Variants in DCPS observed in about 807,000 individuals in gnomAD.
DCPS encodes the protein m7GpppX diphosphatase.
A neutral mutation model predicts 34.7 loss-of-function variants in DCPS; 27 were observed. That is an observed-to-expected ratio of 0.78 (90% CI 0.57 to 1.07). DCPS has a LOEUF of 1.07. Ranked by LOEUF, DCPS falls within the 50% of genes least tolerant of loss-of-function variation. The pLI is 0.00. For synonymous variants in DCPS, 185 were observed against 185.7 expected, an observed-to-expected ratio of 1.00 and a Z score of 0.03; for missense variants, 464 against 436.9, an observed-to-expected ratio of 1.06 and a Z score of -0.55.
rs144876585 is a variant in DCPS, at chr11:126,306,608, C to A, written c.240C>A (p.Ala80=). The change falls in exon 2 of 6, where the codon GCC becomes GCA. Residue 80 remains alanine, a synonymous_variant. Coordinates refer to ENST00000263579, the MANE Select transcript of DCPS (RefSeq NM_014026.6). The stretch of plus-strand genomic sequence containing the variant: ...CTGGGGATGGGGATGGAGAGGATGC[C>A]GTTGTGATCCTGGAGAAGACGCCAT... The part of the protein sequence containing the change: ...EASGDGDGED[A]VVILEKTPFQ... 1 of 1,612,622 alleles carries A rather than the reference C, an allele frequency of 6.2e-7. No homozygotes were observed. Among genetic ancestry groups the A allele is most frequent in the South Asian group, 1.1e-5 (1 of 90,922 alleles).
At chr11:126,324,055 C>T (rs1951724689) in intron 2 of DCPS, among the ~76,000 whole-genome samples, 1 of 152,140 alleles carries the variant, frequency 6.6e-6, no homozygotes, top group African/African-American at 2.4e-5. Flanking sequence ...TGGTCTTGAA[C>T]TTCTGACCTC....
rs1208107319 is a variant in DCPS at position 126,328,786 on chromosome 11, A to G, written c.377-2619A>G. Among the ~76,000 whole-genome samples the G allele has an allele frequency of 6.6e-6, 1 of 152,202 alleles. No homozygotes were observed. Among genetic ancestry groups the G allele is most frequent in the Non-Finnish European group, 1.5e-5 (1 of 68,018 alleles). On this transcript the variant is annotated intron_variant, in intron 2 of 5. Coordinates refer to ENST00000263579, the MANE Select transcript of DCPS (RefSeq NM_014026.6). This position sits in a 1 kb window ranked among gnomAD's most constrained non-coding sequence, Gnocchi z 6.6. ...ACCCAGGCAACGGAGGCAACAGCGGAGAGAATCCAAGCTAGCCTGGGGGGA... is the reference window on the plus strand; with the variant it reads ...ACCCAGGCAACGGAGGCAACAGCGGGGAGAATCCAAGCTAGCCTGGGGGGA...
rs186159639 is a variant in DCPS, at chr11:126,322,424, C to T, written c.377-8981C>T. Among the ~76,000 whole-genome samples, 108 of 152,054 alleles carry T rather than the reference C, an allele frequency of 7.1e-4. 1 individual carries two copies. Among genetic ancestry groups the T allele is most frequent in the East Asian group, 2.9e-3 (15 of 5,156 alleles). On this transcript the variant is annotated intron_variant, in intron 2 of 5. Transcript: ENST00000263579. The surrounding 1 kb of genome is among the most constrained non-coding windows in gnomAD (Gnocchi z 4.2). ...GATTACAGGCGCACACCACCACGCCCGGCTCATTTTTGTATTTTTAGTAGA... is the reference window on the plus strand; with the variant it reads ...GATTACAGGCGCACACCACCACGCCTGGCTCATTTTTGTATTTTTAGTAGA...
At position 126,344,590 on chromosome 11, in the gene DCPS, C is replaced by A. The variant is rs1202863893; in HGVS notation, c.748-757C>A. Reference sequence around the variant, plus strand: ...GGGTATATACTGAGCCCACTGAGGCCCTAGTACTTTTCTCTTCACCTCTGA... The same window carrying A: ...GGGTATATACTGAGCCCACTGAGGCACTAGTACTTTTCTCTTCACCTCTGA... On this transcript the variant is annotated intron_variant, in intron 5 of 5. Coordinates refer to ENST00000263579, the MANE Select transcript of DCPS (RefSeq NM_014026.6). This position sits in a 1 kb window ranked among gnomAD's most constrained non-coding sequence, Gnocchi z 8.1. 6.6e-6 allele frequency among the ~76,000 whole-genome samples: 1 copy of A among 152,116 alleles called. No homozygotes were observed. The highest frequency in any genetic ancestry group is 1.9e-4 in the East Asian group (1 of 5,188).
At position 126,346,392 on chromosome 11, in the gene DCPS, C is replaced by G. The variant is rs979025832; in HGVS notation, c.*779C>G. On this transcript the variant is annotated 3_prime_UTR_variant, in exon 6 of 6. Transcript: ENST00000263579. The surrounding 1 kb of genome is among the most constrained non-coding windows in gnomAD (Gnocchi z 4.1). ...CAAATGATATGGTTGCAGTTGAATA[C>G]AAAAGCCCGGAGGCGGCTCGGGTTC... is the stretch of plus-strand genomic sequence containing the variant. Among the ~76,000 whole-genome samples, 5 of 152,202 alleles carry G rather than the reference C, an allele frequency of 3.3e-5. No individual in the cohort carries two copies. Among genetic ancestry groups the G allele is most frequent in the Non-Finnish European group, 7.3e-5 (5 of 68,044 alleles).
Position 126,306,712 on chromosome 11 carries a change from C to G in DCPS, c.344C>G (p.Thr115Ser), listed in dbSNP as rs759338894. 19 of 1,605,548 alleles carry G rather than the reference C, an allele frequency of 1.2e-5. No individual in the cohort carries two copies. The East Asian group carries it at 4.3e-4, about 36-fold the overall frequency. The part of the protein sequence containing the change: ...QLQFSNDIYS[T>S]YHLFPPRQLN... Reference sequence around the variant, plus strand: ...CAGTTCTCCAATGATATCTACAGCACCTATCACTTGTTCCCTCCAAGACAA... The same window carrying G: ...CAGTTCTCCAATGATATCTACAGCAGCTATCACTTGTTCCCTCCAAGACAA... The change falls in exon 2 of 6, where the codon ACC becomes AGC. Residue 115 changes from threonine (T) to serine (S), a missense_variant. Physicochemically the swap from Thr to Ser is moderately conservative, Grantham distance 58. Transcript: ENST00000263579.
In DCPS at chr11:126,331,630, A is replaced by G; in HGVS notation, c.522+80A>G. ...TCTTACGAGTGTCTATTGGGGTCATATTAGGGGCCAGGCGCTGTGCTGGGC... is the reference window on the plus strand; with the variant it reads ...TCTTACGAGTGTCTATTGGGGTCATGTTAGGGGCCAGGCGCTGTGCTGGGC... On this transcript the variant is annotated intron_variant, in intron 3 of 5. Transcript: ENST00000263579. The surrounding 1 kb of genome is among the most constrained non-coding windows in gnomAD (Gnocchi z 7.2). 1 of 1,549,918 alleles carries G rather than the reference A, an allele frequency of 6.5e-7. No individual in the cohort carries two copies. The highest frequency in any genetic ancestry group is 8.7e-7 in the Non-Finnish European group (1 of 1,145,366).
chr11:126,333,763 C>T lies in DCPS; in HGVS notation c.522+2213C>T. ...TCCAGGGGGCCAGGAGTTCCTGAAC[C>T]TTGCTTACCATCAGGATTGCCTGGG... is the stretch of plus-strand genomic sequence containing the variant. On this transcript the variant is annotated intron_variant, in intron 3 of 5. Coordinates refer to ENST00000263579, the MANE Select transcript of DCPS (RefSeq NM_014026.6). The surrounding 1 kb of genome is among the most constrained non-coding windows in gnomAD (Gnocchi z 5.7). Among the ~76,000 whole-genome samples, 1 of 152,158 alleles carries T rather than the reference C, an allele frequency of 6.6e-6. No individual in the cohort carries two copies. Among genetic ancestry groups the T allele is most frequent in the Admixed American group, 6.5e-5 (1 of 15,278 alleles).
rs1009986664 is a variant in DCPS at position 126,320,268 on chromosome 11, C to T, written c.377-11137C>T. Among the ~76,000 whole-genome samples the T allele has an allele frequency of 1.8e-4, 27 of 152,194 alleles. No homozygotes were observed. Among genetic ancestry groups the T allele is most frequent in the East Asian group, 5.8e-4 (3 of 5,188 alleles). Reference sequence around the variant, plus strand: ...TCTTAGGCACTGCACACACAGTGTACGAAACAGAGTCCCTGCTCTCGTGGA... The same window carrying T: ...TCTTAGGCACTGCACACACAGTGTATGAAACAGAGTCCCTGCTCTCGTGGA... On this transcript the variant is annotated intron_variant, in intron 2 of 5. Coordinates refer to ENST00000263579, the MANE Select transcript of DCPS (RefSeq NM_014026.6). The surrounding 1 kb of genome is among the most constrained non-coding windows in gnomAD (Gnocchi z 4.7).
At position 126,333,338 on chromosome 11, in the gene DCPS, A is replaced by G. The variant is rs931455222; in HGVS notation, c.522+1788A>G. ...GAGTACCTACTATGGACCTGGTCCT[A>G]TGCCAGGCTTTGGAGAGTCACCAAG... On this transcript the variant is annotated intron_variant, in intron 3 of 5. Coordinates refer to ENST00000263579, the MANE Select transcript of DCPS (RefSeq NM_014026.6). The surrounding 1 kb of genome is among the most constrained non-coding windows in gnomAD (Gnocchi z 5.7). Among the ~76,000 whole-genome samples the G allele has an allele frequency of 2.0e-5, 3 of 152,206 alleles. No individual in the cohort carries two copies. Among genetic ancestry groups the G allele is most frequent in the Non-Finnish European group, 4.4e-5 (3 of 68,022 alleles).
At chr11:126,330,147 CT>C (rs1427518213) in intron 2 of DCPS, among the ~76,000 whole-genome samples, 1 of 152,156 alleles carries the variant, frequency 6.6e-6, no homozygotes, top group East Asian at 1.9e-4. Flanking sequence ...AGACATCCTT[CT>C]AGTTTAAAAC....
rs1951634440 is a variant in DCPS at position 126,313,525 on chromosome 11, A to G, written c.376+6781A>G. The stretch of plus-strand genomic sequence containing the variant: ...GTGAAAATGAACTACAGCTGCCTGT[A>G]TCAATGAAGGATAAATCTCACCATG... On this transcript the variant is annotated intron_variant, in intron 2 of 5. Transcript: ENST00000263579. This position sits in a 1 kb window ranked among gnomAD's most constrained non-coding sequence, Gnocchi z 4.9. Among the ~76,000 whole-genome samples, 1 of 152,208 alleles carries G rather than the reference A, an allele frequency of 6.6e-6. No individual in the cohort carries two copies. The highest frequency in any genetic ancestry group is 1.5e-5 in the Non-Finnish European group (1 of 68,026).
At position 126,345,726 on chromosome 11, in the gene DCPS, G is replaced by T; in HGVS notation, c.*113G>T. 2 of 1,475,316 alleles carry T rather than the reference G, an allele frequency of 1.4e-6. No individual in the cohort carries two copies. The highest frequency in any genetic ancestry group is 9.1e-7 in the Non-Finnish European group (1 of 1,101,336). The allele number at this position is 1,475,316 out of a possible 1,614,324, so 91.4% of individuals were successfully genotyped here. ...TGTATTTTATACCGGCTTATTCCTA[G>T]TATTGAATAAACTAGCGGGCTCACT... On this transcript the variant is annotated 3_prime_UTR_variant, in exon 6 of 6. Coordinates refer to ENST00000263579, the MANE Select transcript of DCPS (RefSeq NM_014026.6). The surrounding 1 kb of genome is among the most constrained non-coding windows in gnomAD (Gnocchi z 7.4).
Position 126,333,208 on chromosome 11 carries a change from C to T in DCPS, c.522+1658C>T, listed in dbSNP as rs1484631712. ...GGAGAAGAGCACAATGAAAACTCCA[C>T]TACTCTTCCAACTCCTGACTGACGG... On this transcript the variant is annotated intron_variant, in intron 3 of 5. Transcript: ENST00000263579. The surrounding 1 kb of genome is among the most constrained non-coding windows in gnomAD (Gnocchi z 5.7). Among the ~76,000 whole-genome samples the T allele has an allele frequency of 6.6e-6, 1 of 152,194 alleles. No homozygotes were observed. Among genetic ancestry groups the T allele is most frequent in the Non-Finnish European group, 1.5e-5 (1 of 68,032 alleles).
rs1223536537 is a variant in DCPS at position 126,327,130 on chromosome 11, G to C, written c.377-4275G>C. Among the ~76,000 whole-genome samples the C allele has an allele frequency of 6.6e-6, 1 of 152,096 alleles. No individual in the cohort carries two copies. The highest frequency in any genetic ancestry group is 1.9e-4 in the East Asian group (1 of 5,194). On this transcript the variant is annotated intron_variant, in intron 2 of 5. Coordinates refer to ENST00000263579, the MANE Select transcript of DCPS (RefSeq NM_014026.6). The surrounding 1 kb of genome is among the most constrained non-coding windows in gnomAD (Gnocchi z 4.1). Reference sequence around the variant, plus strand: ...AGTTGTGCCAGTTGCTTCAGTGCAGGGCGCCCCTCCCCGGATCCCAACCCC... The same window carrying C: ...AGTTGTGCCAGTTGCTTCAGTGCAGCGCGCCCCTCCCCGGATCCCAACCCC...
chr11:126,342,641 C>A lies in DCPS; in HGVS notation c.637-666C>A, dbSNP rs555555612. Among the ~76,000 whole-genome samples, 17 of 152,258 alleles carry A rather than the reference C, an allele frequency of 1.1e-4. No individual in the cohort carries two copies. Among genetic ancestry groups the A allele is most frequent in the Middle Eastern group, 3.4e-3 (1 of 292 alleles). On this transcript the variant is annotated intron_variant, in intron 4 of 5. Coordinates refer to ENST00000263579, the MANE Select transcript of DCPS (RefSeq NM_014026.6). The surrounding 1 kb of genome is among the most constrained non-coding windows in gnomAD (Gnocchi z 4.4). ...TCCAGGTAGCTAGAGTCTTTCCTTC[C>A]TCCTGCACTGGGATTATTTTGTGTC...
In DCPS at chr11:126,322,662, G is replaced by A. The variant is rs1027933589; in HGVS notation, c.377-8743G>A. 6.0e-5 allele frequency among the ~76,000 whole-genome samples: 9 copies of A among 150,486 alleles called. No individual in the cohort carries two copies. The highest frequency in any genetic ancestry group is 1.3e-4 in the Non-Finnish European group (9 of 67,868). ...GGCTGGAGTGCAGTGGCACAATCTC[G>A]GCTCACTGCAACCTCCGCCTCCGAG... is the stretch of plus-strand genomic sequence containing the variant. On this transcript the variant is annotated intron_variant, in intron 2 of 5. Transcript: ENST00000263579. The surrounding 1 kb of genome is among the most constrained non-coding windows in gnomAD (Gnocchi z 4.2).
chr11:126,316,763 C>G (rs867220255), intron 2 of DCPS, among the ~76,000 whole-genome samples: 1 of 151,348 alleles, frequency 6.6e-6, no homozygotes, highest in Non-Finnish European at 1.5e-5. Flanking sequence ...TCAAGCCATT[C>G]TCCTGCCTCA....
chr11:126,310,085 G>T (rs1380383234), intron 2 of DCPS, among the ~76,000 whole-genome samples: 1 of 152,166 alleles, frequency 6.6e-6, no homozygotes, highest in Non-Finnish European at 1.5e-5. Context: ...TGGGAGTCTG[G>T]TAAAACAGAA....
Sources: gnomAD v4.1 joint callset for allele counts (sites outside exome capture counted in the v4.1 genomes callset) on GRCh38, gnomAD v4.1.1 for gene constraint, Gnocchi (gnomAD v3.1) non-coding constraint, MANE v1.5 for transcripts, NCBI Gene and HGNC (gene_info 2026-07-23, HGNC 2026-07-21) for gene names.